Variants in ATP10B observed in about 807,000 individuals in gnomAD.
ATP10B encodes phospholipid-transporting ATPase VB.
Under a neutral mutation model 141.2 loss-of-function variants are expected in ATP10B, and 122 were observed. The observed-to-expected ratio is 0.86, with a 90% CI of 0.75 to 1.00. The LOEUF is 1.00. ATP10B is among the 50% of genes least tolerant of loss of function. The probability of loss-of-function intolerance (pLI) is 0.00; values close to 1 mark genes in which losing one functional copy is unlikely to be tolerated. For synonymous variants in ATP10B, 685 were observed against 692.0 expected (o/e 0.99, Z 0.16); for missense variants, 1,876 against 1,825.3 (o/e 1.03, Z -0.51).
At position 160,703,158 on chromosome 5, in the gene ATP10B, T is replaced by G. The variant is rs147070889; in HGVS notation, c.-205+13751A>C. ...TATTAGAGATGAATCTGATTGCCCT[T>G]TCTTCTGAAATATTTATAATAATTT... On this transcript the variant is annotated intron_variant, in intron 3 of 25. Transcript: ENST00000327245. Among the ~76,000 whole-genome samples, 95 of 152,240 alleles carry G rather than the reference T, an allele frequency of 6.2e-4. No homozygotes were observed. The Middle Eastern group carries it at 0.02, about 33-fold the overall frequency.
In ATP10B at chr5:160,569,632, C is replaced by A. The variant is rs761659154; in HGVS notation, c.3802G>T (p.Val1268Leu). Residue 1268 changes from valine (V) to leucine (L), a missense_variant, in exon 25 of 26, where the codon GTA (valine) becomes TTA (leucine). Physicochemically the swap from Val to Leu is conservative, Grantham distance 32. Coordinates refer to ENST00000327245, the MANE Select transcript of ATP10B (RefSeq NM_025153.3). ...LLGSFLMYFL[V>L]SLLYNATCVI... ...CAGGTGGCATTGTACAGGAGGGATA[C>A]CAGAAAGTACATCAGGAAGCTGCCG... 5 of 1,607,186 alleles carry A rather than the reference C, an allele frequency of 3.1e-6. No individual in the cohort carries two copies. Among genetic ancestry groups the A allele is most frequent in the Non-Finnish European group, 4.2e-6 (5 of 1,177,130 alleles).
chr5:160,631,076 A>T (rs1758901010), intron 13 of ATP10B, among the ~76,000 whole-genome samples: 1 of 152,214 alleles, frequency 6.6e-6, no homozygotes, highest in African/African-American at 2.4e-5. Context: ...TTCATGGGGG[A>T]AATAAAAGAC....
the ATP10B span, among the ~76,000 whole-genome samples, chr5:160,870,353 T>A: frequency 3.3e-5 from 5 of 151,746 alleles, no homozygotes; most frequent in Admixed American, 1.3e-4. Context: ...TCAGCTATAA[T>A]GGATATGATG....
At chr5:160,899,105 G>T in the ATP10B span, among the ~76,000 whole-genome samples, 1 of 152,044 alleles carries the variant, frequency 6.6e-6, no homozygotes, top group Non-Finnish European at 1.5e-5. Context: ...TAACAAACCT[G>T]CACATTCTGC....
intron 13 of ATP10B, among the ~76,000 whole-genome samples, chr5:160,631,176 A>G (rs1758909787): frequency 6.6e-6 from 1 of 152,230 alleles, no homozygotes. Context: ...GTTAGTATGT[A>G]TCTCTTGTTC....
chr5:160,605,803 G>A (rs1757353110), intron 19 of ATP10B, among the ~76,000 whole-genome samples: 1 of 152,182 alleles, frequency 6.6e-6, no homozygotes, highest in Non-Finnish European at 1.5e-5. Flanking sequence ...CTTGGTATGT[G>A]CTGGGCAGGG....
chr5:160,716,046 T>C (rs1465913711), intron 3 of ATP10B, among the ~76,000 whole-genome samples: 1 of 152,144 alleles, frequency 6.6e-6, no homozygotes, highest in Non-Finnish European at 1.5e-5. Context: ...AAAGTGCACA[T>C]GTTCTTAGAC....
chr5:160,703,620 G>GCACCTGCCACCA lies in ATP10B; in HGVS notation c.-205+13288_-205+13289insTGGTGGCAGGTG, dbSNP rs554367518. Among the ~76,000 whole-genome samples the GCACCTGCCACCA allele has an allele frequency of 6.5e-3, 990 of 152,108 alleles. 14 individuals carry two copies. Among genetic ancestry groups the GCACCTGCCACCA allele is most frequent in the African/African-American group, 0.023 (938 of 41,472 alleles). The stretch of plus-strand genomic sequence containing the variant: ...GCCTTCTGGGTAGCTGGGGCTACAG[G>GCACCTGCCACCA]CACCTGGGTAATTTTTGAATTTTTA... On this transcript the variant is annotated intron_variant, in intron 3 of 25. Coordinates refer to ENST00000327245, the MANE Select transcript of ATP10B (RefSeq NM_025153.3).
At chr5:160,663,838 T>C (rs1446393529) in intron 7 of ATP10B, among the ~76,000 whole-genome samples, 10 of 152,148 alleles carry the variant, frequency 6.6e-5, no homozygotes, top group African/African-American at 2.4e-5. Context: ...CAAAGAACTA[T>C]GCCCGAGTTT....
intron 1 of ATP10B, among the ~76,000 whole-genome samples, chr5:160,799,998 A>G (rs73306192): frequency 0.015 from 2,282 of 152,326 alleles, 58 homozygotes; most frequent in African/African-American, 0.052. Context: ...TATTCTTCAT[A>G]TCATTTAAGA....
chr5:160,706,469 T>C (rs2063482985), intron 3 of ATP10B, among the ~76,000 whole-genome samples: 1 of 152,182 alleles, frequency 6.6e-6, no homozygotes, highest in Admixed American at 6.5e-5. Flanking sequence ...GTTGCAAGAA[T>C]AGTCAGTAGT....
chr5:160,634,448 G>A lies in ATP10B; in HGVS notation c.1287C>T (p.Tyr429=), dbSNP rs1561674457. Residue 429 remains tyrosine (Y), a synonymous_variant, in exon 12 of 26, where the codon TAC becomes TAT. Coordinates refer to ENST00000327245, the MANE Select transcript of ATP10B (RefSeq NM_025153.3). ...GGGTCCCCGTCTTATCGGAGAAGAT[G>A]TACTGGATCTGGCCCAAGTCCTCTG... The part of the protein sequence containing the change: ...NIAEDLGQIQ[Y]IFSDKTGTLT... 1 of 1,614,180 alleles carries A rather than the reference G, an allele frequency of 6.2e-7. No individual in the cohort carries two copies. The highest frequency in any genetic ancestry group is 8.5e-7 in the Non-Finnish European group (1 of 1,180,034).
At chr5:160,866,939 A>T in the ATP10B span, among the ~76,000 whole-genome samples, 1 of 152,100 alleles carries the variant, frequency 6.6e-6, no homozygotes, top group Non-Finnish European at 1.5e-5. Context: ...TTTATGAACG[A>T]CTGGACCAAA....
At chr5:160,866,702 A>C in the ATP10B span, among the ~76,000 whole-genome samples, 122 of 152,194 alleles carry the variant, frequency 8.0e-4, no homozygotes, top group African/African-American at 2.9e-3. Flanking sequence ...AAACCAAAAC[A>C]AAATAAATGA....
chr5:160,670,551 G>T lies in ATP10B; in HGVS notation c.587C>A (p.Pro196His). The T allele has an allele frequency of 6.2e-7, 1 of 1,613,942 alleles. No homozygotes were observed. The highest frequency in any genetic ancestry group is 1.1e-5 in the South Asian group (1 of 91,068). ...ADILLLFSSD[P>H]NGICHLETAS... ...AGTTTCCAGATGGCATATCCCATTG[G>T]GGTCAGAGGAAAAAAGGAGGAGTAT... The change falls in exon 7 of 26, where the codon CCC (proline) becomes CAC (histidine). Residue 196 changes from proline (P) to histidine (H), a missense_variant. By Grantham distance (77) the Pro-to-His change is moderately conservative. Transcript: ENST00000327245.
At chr5:160,923,060 C>T in the ATP10B span, among the ~76,000 whole-genome samples, 1 of 152,226 alleles carries the variant, frequency 6.6e-6, no homozygotes, top group Admixed American at 6.5e-5. Flanking sequence ...AAGTGTCTTT[C>T]TGTGATGTGG....
At chr5:160,813,645 C>T (rs1290526019) in intron 1 of ATP10B, among the ~76,000 whole-genome samples, 1 of 152,200 alleles carries the variant, frequency 6.6e-6, no homozygotes, top group African/African-American at 2.4e-5. Context: ...GTTGTTCTCC[C>T]AGCACGCAGC....
chr5:160,663,789 TA>T (rs11424191), intron 7 of ATP10B, among the ~76,000 whole-genome samples: 1,964 of 151,150 alleles, frequency 0.013, 15 homozygotes, highest in Non-Finnish European at 0.021. Context: ...TAAAGTATAA[TA>T]AAAAAAAATT....
intron 20 of ATP10B, 100 bp downstream of exon 20, chr5:160,603,865 G>C: frequency 1.0e-6 from 1 of 963,626 alleles, no homozygotes; most frequent in East Asian, 2.4e-5. Flanking sequence ...CTTTGGATGT[G>C]GGTGGAAGTT....
Sources: gnomAD v4.1 joint callset for allele counts (sites outside exome capture counted in the v4.1 genomes callset) on GRCh38, gnomAD v4.1.1 for gene constraint, MANE v1.5 for transcripts, NCBI Gene and HGNC (gene_info 2026-07-23, HGNC 2026-07-21) for gene names.